The following SPOCK3 variants were observed in gnomAD, a reference collection of about 807,000 sequenced individuals.
SPOCK3 encodes the protein SPARC (osteonectin), cwcv and kazal like domains proteoglycan 3.
SPOCK3 carries 30 observed loss-of-function variants against 56.6 expected under a neutral mutation model. The ratio of observed to expected loss-of-function variants is 0.53; its 90% CI spans 0.40 to 0.72. The LOEUF (loss-of-function observed/expected upper bound fraction) is 0.72, where lower values mean the gene tolerates loss of function less well. Ranked by LOEUF, SPOCK3 falls within the 30% of genes least tolerant of loss-of-function variation. The pLI is 0.00. For synonymous variants in SPOCK3, 196 were observed against 183.3 expected (o/e 1.07, Z -0.56); for missense variants, 527 against 530.0 (o/e 0.99, Z 0.06).
chr4:167,173,314 C>A (rs183867727), intron 2 of SPOCK3, among the ~76,000 whole-genome samples: 398 of 152,242 alleles, frequency 2.6e-3, no homozygotes, highest in Non-Finnish European at 4.4e-3. Flanking sequence ...ATTACAGATT[C>A]TCAATATATA....
At chr4:166,957,997 G>T (rs1022033137) in intron 4 of SPOCK3, among the ~76,000 whole-genome samples, 25 of 152,140 alleles carry the variant, frequency 1.6e-4, no homozygotes, top group Middle Eastern at 3.2e-3. Flanking sequence ...AAGGACATGA[G>T]ATTTGGGAGA....
chr4:166,746,116 T>C (rs1735576270), intron 8 of SPOCK3, among the ~76,000 whole-genome samples: 1 of 152,192 alleles, frequency 6.6e-6, no homozygotes, highest in African/African-American at 2.4e-5. Flanking sequence ...GGCCTTGAAC[T>C]CAGCTCTGCA....
intron 3 of SPOCK3, among the ~76,000 whole-genome samples, chr4:167,005,946 C>T (rs916276189): frequency 6.6e-6 from 1 of 152,060 alleles, no homozygotes; most frequent in Non-Finnish European, 1.5e-5. Context: ...ACAGGGTATA[C>T]ATATAGTTGC....
intron 2 of SPOCK3, among the ~76,000 whole-genome samples, chr4:167,175,475 T>C (rs1322022876): frequency 6.6e-6 from 1 of 152,186 alleles, no homozygotes; most frequent in African/African-American, 2.4e-5. Flanking sequence ...CTTCAAAATT[T>C]AAACGTTGAA....
chr4:167,218,233 T>C (rs1297356091), intron 2 of SPOCK3, among the ~76,000 whole-genome samples: 1 of 152,106 alleles, frequency 6.6e-6, no homozygotes, highest in African/African-American at 2.4e-5. Context: ...AAAATAATCG[T>C]GTGTTAATAG....
chr4:167,155,076 T>C (rs1485916888), intron 2 of SPOCK3, among the ~76,000 whole-genome samples: 1 of 152,100 alleles, frequency 6.6e-6, no homozygotes, highest in Non-Finnish European at 1.5e-5. Context: ...TATCTAGTAA[T>C]GTATTATAAA....
chr4:166,900,718 T>C (rs1039298340), intron 5 of SPOCK3, among the ~76,000 whole-genome samples: 1 of 152,128 alleles, frequency 6.6e-6, no homozygotes, highest in Non-Finnish European at 1.5e-5. Flanking sequence ...TGGGTCTCTC[T>C]TTATAAAACT....
intron 2 of SPOCK3, among the ~76,000 whole-genome samples, chr4:167,169,141 C>T (rs886392209): frequency 1.3e-5 from 2 of 152,204 alleles, no homozygotes; most frequent in East Asian, 3.9e-4. Flanking sequence ...TGGTGAACCT[C>T]TACTAGGGCA....
rs771924869 is a variant in SPOCK3, at chr4:167,194,139, C to T, written c.189+39846G>A. Among the ~76,000 whole-genome samples, 27 of 123,812 alleles carry T rather than the reference C, an allele frequency of 2.2e-4. 5 individuals are homozygous for T. The highest frequency in any genetic ancestry group is 4.4e-4 in the Admixed American group (5 of 11,398). The allele number at this position is 123,812 out of a possible 152,430, so 81.2% of individuals were successfully genotyped here. A position where few individuals can be genotyped will look rare whatever the true frequency, so the allele number is the denominator to read the frequency against. On this transcript the variant is annotated intron_variant, in intron 2 of 10. Transcript: ENST00000357545. The stretch of plus-strand genomic sequence containing the variant: ...CCTTTGTTTGTCTCACTTTAAACAC[C>T]CTGTTTTTGAGTTCACTGATTCTTT...
chr4:167,067,701 G>A (rs1407567712), intron 2 of SPOCK3, among the ~76,000 whole-genome samples: 2 of 151,608 alleles, frequency 1.3e-5, no homozygotes, highest in Non-Finnish European at 3.0e-5. Context: ...ATTCAGCTAT[G>A]GTACTGCCAA....
At chr4:166,971,892 G>T (rs1745424379) in intron 4 of SPOCK3, among the ~76,000 whole-genome samples, 1 of 152,058 alleles carries the variant, frequency 6.6e-6, no homozygotes, top group African/African-American at 2.4e-5. Flanking sequence ...TTAAAGGCCA[G>T]TATCTTTCGA....
intron 4 of SPOCK3, among the ~76,000 whole-genome samples, chr4:166,961,644 T>A (rs1045591145): frequency 2.6e-5 from 4 of 152,102 alleles, no homozygotes; most frequent in African/African-American, 9.7e-5. Flanking sequence ...GCTCTTTGAG[T>A]TCTATGAGAT....
At position 167,062,494 on chromosome 4, in the gene SPOCK3, T is replaced by A; in HGVS notation, c.233A>T (p.Gln78Leu). ...RTWSPGKPFDQALDPAKDPCL... is the reference protein window; with the variant it reads ...RTWSPGKPFDLALDPAKDPCL... ...TTTTAAAATAGTTAGATTCTTACCC[T>A]GATCGAAGGGTTTTCCTGGACTCCA... Residue 78 changes from glutamine to leucine, a missense_variant and splice_region_variant, in exon 3 of 11, where the codon CAG (glutamine) becomes CTG (leucine). Gln to Leu is a moderately radical substitution (Grantham distance 113). Transcript: ENST00000357545. 3 of 1,601,064 alleles carry A rather than the reference T, an allele frequency of 1.9e-6. No homozygotes were observed. The highest frequency in any genetic ancestry group is 2.6e-6 in the Non-Finnish European group (3 of 1,169,804).
rs984131270 is a variant in SPOCK3 at position 167,067,216 on chromosome 4, C to T, written c.190-4679G>A. On this transcript the variant is annotated intron_variant, in intron 2 of 10. Transcript: ENST00000357545. ...TCCCAGTGGCTATGAAGAGTGGTTT[C>T]GGCAATAAAATCTTACTAAAATCTA... Among the ~76,000 whole-genome samples, 8 of 151,816 alleles carry T rather than the reference C, an allele frequency of 5.3e-5. No individual in the cohort carries two copies. The East Asian group carries it at 9.7e-4, about 18-fold the overall frequency.
At chr4:166,827,517 T>C (rs1745598093) in intron 6 of SPOCK3, among the ~76,000 whole-genome samples, 1 of 152,136 alleles carries the variant, frequency 6.6e-6, no homozygotes, top group Admixed American at 6.6e-5. Flanking sequence ...GTAGCAAGTT[T>C]TATTTTGTTT....
chr4:167,127,952 C>T (rs1490278062), intron 2 of SPOCK3, among the ~76,000 whole-genome samples: 3 of 152,204 alleles, frequency 2.0e-5, no homozygotes, highest in African/African-American at 4.8e-5. Flanking sequence ...CAGCATTAGA[C>T]GTTTAATAGC....
chr4:167,081,350 A>G (rs114135097), intron 2 of SPOCK3, among the ~76,000 whole-genome samples: 3,647 of 152,162 alleles, frequency 0.024, 66 homozygotes, highest in South Asian at 0.046. Flanking sequence ...ACTTTCAGTA[A>G]ATAAAGTGTT....
chr4:166,766,506 G>A (rs537093466), intron 7 of SPOCK3, among the ~76,000 whole-genome samples: 73 of 152,240 alleles, frequency 4.8e-4, no homozygotes, highest in African/African-American at 1.3e-3. Flanking sequence ...ATTTGCGTAC[G>A]TTGAACCAGT....
chr4:166,957,949 G>A (rs1743677999), intron 4 of SPOCK3, among the ~76,000 whole-genome samples: 1 of 152,092 alleles, frequency 6.6e-6, no homozygotes, highest in African/African-American at 2.4e-5. Context: ...AGAATTGGGG[G>A]GTTACTGGGA....
Sources: allele counts gnomAD v4.1 joint callset (sites outside exome capture counted in the v4.1 genomes callset), GRCh38; gene constraint gnomAD v4.1.1; transcripts MANE v1.5; gene names NCBI Gene and HGNC (gene_info 2026-07-23, HGNC 2026-07-21).